Variants in KCNQ3 observed in about 807,000 individuals in gnomAD.
KCNQ3 encodes potassium voltage-gated channel subfamily KQT member 3.
KCNQ3 carries 30 observed loss-of-function variants against 92.5 expected under a neutral mutation model. That is an observed-to-expected ratio of 0.32 (90% CI 0.24 to 0.44). The LOEUF is 0.44. Ranked by LOEUF, KCNQ3 falls within the 20% of genes least tolerant of loss-of-function variation. The pLI is 1.00. For synonymous variants in KCNQ3, 450 were observed against 468.8 expected (o/e 0.96, Z 0.52); for missense variants, 913 against 1,140.3 (o/e 0.80, Z 2.87).
chr8:132,154,839 C>A (rs779131322), intron 9 of KCNQ3, among the ~76,000 whole-genome samples: 1 of 152,134 alleles, frequency 6.6e-6, no homozygotes, highest in Non-Finnish European at 1.5e-5. Flanking sequence ...CCTAATCTTT[C>A]CTGGTCATGT....
At chr8:132,372,742 AGAGT>A (rs1819506418) in intron 1 of KCNQ3, among the ~76,000 whole-genome samples, 1 of 138,158 alleles carries the variant, frequency 7.2e-6, no homozygotes, top group Non-Finnish European at 1.5e-5. Flanking sequence ...CCTGGGCCAC[AGAGT>A]GAGACTTTGT....
At chr8:132,435,848 C>T (rs1318351209) in intron 1 of KCNQ3, among the ~76,000 whole-genome samples, 2 of 152,076 alleles carry the variant, frequency 1.3e-5, no homozygotes, top group African/African-American at 2.4e-5. Context: ...AACCTCAGGG[C>T]GGAAGGCTCT....
chr8:132,460,254 G>A (rs1822032226), intron 1 of KCNQ3, among the ~76,000 whole-genome samples: 1 of 152,140 alleles, frequency 6.6e-6, no homozygotes, highest in South Asian at 2.1e-4. Context: ...TAGGCTCAAT[G>A]AGCTGACAGC....
chr8:132,410,963 G>A (rs561261455), intron 1 of KCNQ3, among the ~76,000 whole-genome samples: 9 of 152,226 alleles, frequency 5.9e-5, no homozygotes, highest in Admixed American at 3.9e-4. Flanking sequence ...ATCTTGCTCC[G>A]GTATTTTCTG....
chr8:132,250,308 C>T (rs540186269), intron 1 of KCNQ3, among the ~76,000 whole-genome samples: 13 of 152,178 alleles, frequency 8.5e-5, no homozygotes, highest in Non-Finnish European at 1.9e-4. Context: ...CAAACAGATT[C>T]CTGACAACAT....
chr8:132,201,373 A>G (rs992707047), intron 1 of KCNQ3, among the ~76,000 whole-genome samples: 11 of 152,150 alleles, frequency 7.2e-5, no homozygotes, highest in South Asian at 2.1e-4. Context: ...TCAAAAATCC[A>G]AAGTCTGGAG....
At chr8:132,251,290 T>C (rs568941482) in intron 1 of KCNQ3, among the ~76,000 whole-genome samples, 1 of 152,242 alleles carries the variant, frequency 6.6e-6, no homozygotes, top group African/African-American at 2.4e-5. Flanking sequence ...GCTTTTGTAT[T>C]GCCCTCCAAA....
intron 1 of KCNQ3, among the ~76,000 whole-genome samples, chr8:132,385,795 A>G (rs1035500554): frequency 1.3e-5 from 2 of 152,182 alleles, no homozygotes; most frequent in Non-Finnish European, 2.9e-5. Flanking sequence ...CTAGCAAAAA[A>G]CAAAAAATAT....
chr8:132,479,990 A>ACACACACACACC (rs1554660746), intron 1 of KCNQ3, among the ~76,000 whole-genome samples, 157 bp downstream of exon 1: 1 of 147,696 alleles, frequency 6.8e-6, no homozygotes, highest in South Asian at 2.1e-4. Context: ...ACACACACAC[A>ACACACACACACC]CACCCAGGGA....
chr8:132,237,303 A>G (rs1586853481), intron 1 of KCNQ3, among the ~76,000 whole-genome samples: 1 of 152,296 alleles, frequency 6.6e-6, no homozygotes, highest in South Asian at 2.1e-4. Context: ...GATGATGATG[A>G]TGGTACAATT....
intron 1 of KCNQ3, among the ~76,000 whole-genome samples, chr8:132,294,730 A>C (rs796516714): frequency 1.5e-4 from 23 of 152,342 alleles, no homozygotes; most frequent in African/African-American, 5.3e-4. Context: ...ATAGGAGTAC[A>C]GATCAGATAA....
chr8:132,431,412 C>G (rs536389332), intron 1 of KCNQ3, among the ~76,000 whole-genome samples: 1 of 152,332 alleles, frequency 6.6e-6, no homozygotes, highest in African/African-American at 2.4e-5. Context: ...ATTCCACCTC[C>G]TCAGAGTCGG....
chr8:132,314,044 G>T (rs559273051), intron 1 of KCNQ3, among the ~76,000 whole-genome samples: 10 of 152,118 alleles, frequency 6.6e-5, no homozygotes, highest in Non-Finnish European at 1.2e-4. Flanking sequence ...TTGGCTTTAA[G>T]ATCCATTTCT....
chr8:132,226,107 T>C (rs997325079), intron 1 of KCNQ3, among the ~76,000 whole-genome samples: 4 of 151,974 alleles, frequency 2.6e-5, no homozygotes, highest in African/African-American at 7.2e-5. Context: ...CCGTCTCTAC[T>C]AAAAATACAA....
intron 1 of KCNQ3, among the ~76,000 whole-genome samples, chr8:132,395,371 T>C (rs1820166712): frequency 6.6e-6 from 1 of 152,200 alleles, no homozygotes; most frequent in African/African-American, 2.4e-5. Context: ...CTCCTGTTTT[T>C]CCCAGAAATC....
intron 1 of KCNQ3, among the ~76,000 whole-genome samples, chr8:132,427,207 A>T (rs1821134741): frequency 6.6e-6 from 1 of 152,234 alleles, no homozygotes; most frequent in Admixed American, 6.5e-5. Flanking sequence ...CCAAGACAGC[A>T]GGCTGATGGC....
chr8:132,277,841 C>T (rs1816386548), intron 1 of KCNQ3: 1 of 639,840 alleles, frequency 1.6e-6, no homozygotes, highest in Non-Finnish European at 1.9e-6. Flanking sequence ...ATCTTGCTCT[C>T]TAGAAACCAG....
chr8:132,368,662 G>A (rs918467181), intron 1 of KCNQ3, among the ~76,000 whole-genome samples: 1 of 150,478 alleles, frequency 6.6e-6, no homozygotes, highest in Admixed American at 6.6e-5. Context: ...CAAAAAAAAA[G>A]AAAAGAAAAG....
chr8:132,312,494 G>A (rs1278718901), intron 1 of KCNQ3, among the ~76,000 whole-genome samples: 1 of 152,090 alleles, frequency 6.6e-6, no homozygotes, highest in Non-Finnish European at 1.5e-5. Flanking sequence ...GGCTTCAAGT[G>A]CAGGGGGTTG....
Sources: gnomAD v4.1 joint callset for allele counts (sites outside exome capture counted in the v4.1 genomes callset) on GRCh38, gnomAD v4.1.1 for gene constraint, MANE v1.5 for transcripts, NCBI Gene and HGNC (gene_info 2026-07-23, HGNC 2026-07-21) for gene names.